ZNF385D: variants seen among roughly 807,000 people sequenced by gnomAD.
The protein encoded by ZNF385D is zinc finger protein 385D, also known as zinc finger protein 659.
In ZNF385D, 15 loss-of-function variants were observed where a neutral mutation model predicts 35.8. The observed-to-expected ratio is 0.42, with a 90% CI of 0.28 to 0.64. The LOEUF (loss-of-function observed/expected upper bound fraction) is 0.64. Ranked by LOEUF, ZNF385D falls within the 30% of genes least tolerant of loss-of-function variation. The probability of loss-of-function intolerance (pLI) is 0.23; values close to 1 mark genes in which losing one functional copy is unlikely to be tolerated. For synonymous variants in ZNF385D, 212 were observed against 186.8 expected, an observed-to-expected ratio of 1.13 and a Z score of -1.10; for missense variants, 474 against 494.6, an observed-to-expected ratio of 0.96 and a Z score of 0.39.
At chr3:22,099,013 T>C (rs1701781059) in intron 3 of ZNF385D, among the ~76,000 whole-genome samples, 1 of 152,082 alleles carries the variant, frequency 6.6e-6, no homozygotes, top group Non-Finnish European at 1.5e-5. Flanking sequence ...CATGGATATT[T>C]ATCATAGGGA....
chr3:21,908,170 CTATA>C (rs1015338735), intron 3 of ZNF385D, among the ~76,000 whole-genome samples: 12 of 141,452 alleles, frequency 8.5e-5, no homozygotes, highest in East Asian at 4.2e-4. Context: ...ATCTATCTAT[CTATA>C]TATGTATAAA....
Position 21,987,722 on chromosome 3 carries a change from C to G in ZNF385D, c.325+181095G>C, listed in dbSNP as rs1282279789. 4.1e-5 allele frequency among the ~76,000 whole-genome samples: 6 copies of G among 145,950 alleles called. 1 individual carries two copies. The highest frequency in any genetic ancestry group is 1.6e-4 in the African/African-American group (6 of 38,448). ...TGAATCTGAACATTGGCCTGCCTTGCTAGGTTGGGGAAGTTCTCCTGGATA... is the reference window on the plus strand; with the variant it reads ...TGAATCTGAACATTGGCCTGCCTTGGTAGGTTGGGGAAGTTCTCCTGGATA... On this transcript the variant is annotated intron_variant, in intron 3 of 5. Transcript: ENST00000494108.
intron 3 of ZNF385D, among the ~76,000 whole-genome samples, chr3:21,927,495 G>C (rs1440662228): frequency 6.6e-6 from 1 of 152,070 alleles, no homozygotes; most frequent in Non-Finnish European, 1.5e-5. Context: ...ATAAATGATA[G>C]CATATTCACA....
chr3:22,027,910 T>C (rs1425037271), intron 3 of ZNF385D, among the ~76,000 whole-genome samples: 2 of 152,154 alleles, frequency 1.3e-5, no homozygotes, highest in Non-Finnish European at 2.9e-5. Flanking sequence ...ATGCAGGCAC[T>C]ACCAAAAGTG....
chr3:21,989,759 A>G (rs886615768), intron 3 of ZNF385D, among the ~76,000 whole-genome samples: 1 of 152,208 alleles, frequency 6.6e-6, no homozygotes, highest in African/African-American at 2.4e-5. Context: ...TAAGCGCATT[A>G]AAATGCTTCA....
intron 3 of ZNF385D, among the ~76,000 whole-genome samples, chr3:22,166,088 T>C (rs984072988): frequency 7.9e-6 from 1 of 127,130 alleles, no homozygotes; most frequent in Admixed American, 7.6e-5. Flanking sequence ...CTCATCCACA[T>C]GTCCACCATC....
At chr3:21,865,858 A>C (rs889688697) in intron 3 of ZNF385D, among the ~76,000 whole-genome samples, 6 of 152,138 alleles carry the variant, frequency 3.9e-5, no homozygotes, top group African/African-American at 1.4e-4. Context: ...AATGCAATAT[A>C]AATATTGTAT....
At position 21,981,336 on chromosome 3, in the gene ZNF385D, TC is replaced by T. The variant is rs111468461; in HGVS notation, c.325+187480del. Among the ~76,000 whole-genome samples, 194 of 152,300 alleles carry T rather than the reference TC, an allele frequency of 1.3e-3. 1 individual carries two copies. Among genetic ancestry groups the T allele is most frequent in the African/African-American group, 4.4e-3 (182 of 41,588 alleles). ...ATGATCAGTGATATAGAGATTTTTT[TC>T]AATATGCTTGGATGGCTGCCTGCAT... On this transcript the variant is annotated intron_variant, in intron 3 of 5. Coordinates refer to the ZNF385D transcript ENST00000494108.
intron 2 of ZNF385D, among the ~76,000 whole-genome samples, chr3:21,619,418 G>A (rs979278548): frequency 1.5e-4 from 14 of 95,834 alleles, no homozygotes; most frequent in Admixed American, 3.6e-4. Context: ...GTGTGCGTGT[G>A]TGTGTGTGTG....
chr3:21,464,961 A>G (rs1225299407), intron 4 of ZNF385D, among the ~76,000 whole-genome samples: 1 of 152,182 alleles, frequency 6.6e-6, no homozygotes, highest in African/African-American at 2.4e-5. Flanking sequence ...CAAGTTTATG[A>G]GACCATCATG....
chr3:22,098,209 A>C (rs564679647), intron 3 of ZNF385D, among the ~76,000 whole-genome samples: 3 of 152,202 alleles, frequency 2.0e-5, no homozygotes, highest in African/African-American at 7.2e-5. Context: ...CGTGATTTTC[A>C]ACCTTGCATC....
chr3:21,510,036 C>G (rs1188294477), intron 4 of ZNF385D, among the ~76,000 whole-genome samples: 1 of 152,176 alleles, frequency 6.6e-6, no homozygotes, highest in African/African-American at 2.4e-5. Context: ...TGAACGTTTC[C>G]TTACCATTGC....
chr3:21,966,361 A>G (rs1702912651), intron 3 of ZNF385D, among the ~76,000 whole-genome samples: 1 of 152,182 alleles, frequency 6.6e-6, no homozygotes, highest in Non-Finnish European at 1.5e-5. Flanking sequence ...AACTAACTTC[A>G]CCTTCATTTC....
At chr3:22,013,183 A>G (rs995803972) in intron 3 of ZNF385D, among the ~76,000 whole-genome samples, 9 of 152,144 alleles carry the variant, frequency 5.9e-5, no homozygotes, top group African/African-American at 9.7e-5. Context: ...CTGAAAATAT[A>G]TATCTGTTGG....
At chr3:21,637,035 C>T (rs1227881395) in intron 2 of ZNF385D, among the ~76,000 whole-genome samples, 2 of 151,992 alleles carry the variant, frequency 1.3e-5, no homozygotes, top group Non-Finnish European at 2.9e-5. Context: ...AAGATTTTCT[C>T]CTACTCTGTG....
chr3:22,345,941 G>T (rs549312606), intron 2 of ZNF385D, among the ~76,000 whole-genome samples: 94 of 152,180 alleles, frequency 6.2e-4, no homozygotes, highest in Admixed American at 1.1e-3. Context: ...TTCGCTGAAA[G>T]CTGACTGCAT....
chr3:22,220,521 T>C (rs1255901831), intron 2 of ZNF385D, among the ~76,000 whole-genome samples: 1 of 152,202 alleles, frequency 6.6e-6, no homozygotes, highest in Non-Finnish European at 1.5e-5. Context: ...AAGTCCTTGA[T>C]CATCTGAATC....
rs372269431 is a variant in ZNF385D at position 21,716,963 on chromosome 3, A to G, written c.22+33932T>C. Among the ~76,000 whole-genome samples the G allele has an allele frequency of 7.9e-5, 12 of 152,192 alleles. 1 individual carries two copies. The highest frequency in any genetic ancestry group is 2.6e-4 in the African/African-American group (11 of 41,526). On this transcript the variant is annotated intron_variant, in intron 1 of 7. Transcript: ENST00000281523. ...ATGGTGAAACCCCGTCTCTACTAAA[A>G]ATACAAAAATTAGCTGTGATGTGGT... is the stretch of plus-strand genomic sequence containing the variant.
intron 4 of ZNF385D, among the ~76,000 whole-genome samples, chr3:21,440,976 T>G (rs1235475643): frequency 6.6e-6 from 1 of 152,120 alleles, no homozygotes; most frequent in African/African-American, 2.4e-5. Flanking sequence ...TTATCTTACC[T>G]GCAGTTACTC....
Sources: allele counts gnomAD v4.1 joint callset (sites outside exome capture counted in the v4.1 genomes callset), GRCh38; gene constraint gnomAD v4.1.1; transcripts MANE v1.5; gene names NCBI Gene and HGNC (gene_info 2026-07-23, HGNC 2026-07-21).